INSL6: variants seen among roughly 807,000 people sequenced by gnomAD.
The protein encoded by INSL6 is insulin like 6.
Under a neutral mutation model 9.4 loss-of-function variants are expected in INSL6, and 16 were observed. That is an observed-to-expected ratio of 1.70 (90% confidence interval 1.15 to 2.59). INSL6 has a LOEUF of 2.59. Ranked by LOEUF, INSL6 falls within the 30% of genes most tolerant of loss-of-function variation. The probability of loss-of-function intolerance (pLI) is 0.00; values close to 1 mark genes in which losing one functional copy is unlikely to be tolerated. For missense variants in INSL6, 391 were observed against 257.3 expected (o/e 1.52, Z -3.56); for synonymous variants, 154 against 96.9 (o/e 1.59, Z -3.46).
At chr9:5,169,735 AAC>A (rs1322449491) in intron 1 of INSL6, among the ~76,000 whole-genome samples, 11 of 152,346 alleles carry the variant, frequency 7.2e-5, no homozygotes, top group African/African-American at 2.6e-4. Context: ...TTTCTGACAA[AAC>A]AGACTTTAAA....
chr9:5,057,067 A>T, the INSL6 span, among the ~76,000 whole-genome samples: 1 of 152,106 alleles, frequency 6.6e-6, no homozygotes, highest in East Asian at 1.9e-4. Context: ...TTCTCATATT[A>T]AATTTTTTAT....
chr9:5,136,336 G>T (rs1237972862), intron 2 of INSL6, among the ~76,000 whole-genome samples: 2 of 151,970 alleles, frequency 1.3e-5, no homozygotes, highest in African/African-American at 2.4e-5. Context: ...ATTTTAGGCC[G>T]ATATCCCTGA....
At chr9:5,158,607 C>A (rs920571664) in intron 2 of INSL6, among the ~76,000 whole-genome samples, 5 of 151,980 alleles carry the variant, frequency 3.3e-5, no homozygotes, top group East Asian at 1.9e-4. Context: ...GAAAAAAAAT[C>A]TTTTGCCCTA....
chr9:5,133,020 G>A (rs1170838914), intron 3 of INSL6, among the ~76,000 whole-genome samples: 2 of 152,072 alleles, frequency 1.3e-5, no homozygotes, highest in African/African-American at 4.8e-5. Flanking sequence ...AGTGAGAGTT[G>A]GAATTTCATA....
At chr9:5,073,184 C>T in the INSL6 span, among the ~76,000 whole-genome samples, 1 of 152,222 alleles carries the variant, frequency 6.6e-6, no homozygotes, top group Non-Finnish European at 1.5e-5. Flanking sequence ...CAGAATACCA[C>T]AGTATTGGTG....
At chr9:5,166,285 T>C (rs1825049287) in intron 1 of INSL6, among the ~76,000 whole-genome samples, 1 of 151,702 alleles carries the variant, frequency 6.6e-6, no homozygotes, top group South Asian at 2.1e-4. Flanking sequence ...TCCACTTCTA[T>C]ACCTTGTTTG....
At chr9:5,167,816 T>C (rs1424077366) in intron 1 of INSL6, among the ~76,000 whole-genome samples, 1 of 152,148 alleles carries the variant, frequency 6.6e-6, no homozygotes, top group African/African-American at 2.4e-5. Flanking sequence ...AACAGGAGTG[T>C]TCTGCTGGCA....
the INSL6 span, among the ~76,000 whole-genome samples, chr9:5,077,776 T>A: frequency 2.6e-5 from 4 of 152,240 alleles, no homozygotes; most frequent in African/African-American, 7.2e-5. Context: ...AAAAAAAGTT[T>A]TGTCATCCCA....
At chr9:5,139,223 T>C (rs896372388) in intron 2 of INSL6, among the ~76,000 whole-genome samples, 5 of 152,132 alleles carry the variant, frequency 3.3e-5, no homozygotes, top group Non-Finnish European at 1.5e-5. Flanking sequence ...AATGGGTGTG[T>C]AGTATAGCAT....
chr9:5,085,660 C>T, the INSL6 span: 10 of 725,318 alleles, frequency 1.4e-5, no homozygotes, highest in Admixed American at 9.3e-5. Flanking sequence ...GTGTGTTTTC[C>T]TTTTCGAGAA....
chr9:5,022,170 G>A, the INSL6 span: 2 of 1,614,130 alleles, frequency 1.2e-6, no homozygotes, highest in Non-Finnish European at 1.7e-6. Context: ...CATCTGGGGA[G>A]TATGTTGCAG....
At chr9:5,166,200 GATTTTT>G (rs1416364097) in intron 1 of INSL6, among the ~76,000 whole-genome samples, 2 of 152,144 alleles carry the variant, frequency 1.3e-5, no homozygotes, top group African/African-American at 4.8e-5. Context: ...GAAGGCAGAA[GATTTTT>G]GTTTTTGTTT....
chr9:5,101,611 G>C, the INSL6 span, among the ~76,000 whole-genome samples: 1 of 152,236 alleles, frequency 6.6e-6, no homozygotes, highest in Non-Finnish European at 1.5e-5. Context: ...CTAAGTGGGA[G>C]ACACCTCCCA....
At chr9:5,069,537 C>T in the INSL6 span, among the ~76,000 whole-genome samples, 12 of 151,850 alleles carry the variant, frequency 7.9e-5, no homozygotes, top group Admixed American at 7.9e-4. Context: ...ATTTTAATTT[C>T]TGTATTTTAA....
the INSL6 span, among the ~76,000 whole-genome samples, chr9:5,010,729 A>G: frequency 6.6e-6 from 1 of 152,210 alleles, no homozygotes; most frequent in Non-Finnish European, 1.5e-5. Context: ...CTGAGTTTAC[A>G]TGTAATATTT....
downstream of INSL6, among the ~76,000 whole-genome samples, chr9:5,163,173 G>A (rs1003882999): frequency 6.6e-5 from 10 of 152,132 alleles, no homozygotes; most frequent in Non-Finnish European, 1.5e-4. Flanking sequence ...TGATTCAGTA[G>A]GTTTGAGGTG....
chr9:5,029,151 C>G, the INSL6 span, among the ~76,000 whole-genome samples: 1 of 152,152 alleles, frequency 6.6e-6, no homozygotes, highest in African/African-American at 2.4e-5. Flanking sequence ...CTCTTCCTTT[C>G]CCTTGAATGC....
At chr9:5,164,386 G>T (rs1350350593) in intron 1 of INSL6, 121 bp from the exon 2 acceptor site, 3 of 657,838 alleles carry the variant, frequency 4.6e-6, no homozygotes, top group South Asian at 2.1e-5. Flanking sequence ...TTTAAATAAA[G>T]AATGGAAAGT....
the INSL6 span, among the ~76,000 whole-genome samples, chr9:5,046,352 C>G: frequency 6.6e-6 from 1 of 152,076 alleles, no homozygotes; most frequent in Non-Finnish European, 1.5e-5. Context: ...TTCCCATTCT[C>G]TAGGTTGCCT....
Sources: allele counts gnomAD v4.1 joint callset (sites outside exome capture counted in the v4.1 genomes callset), GRCh38; gene constraint gnomAD v4.1.1; transcripts MANE v1.5; gene names NCBI Gene and HGNC (gene_info 2026-07-23, HGNC 2026-07-21).